The following MAZ variants were observed in gnomAD, a reference collection of about 807,000 sequenced individuals.
MAZ encodes the protein myc-associated zinc finger protein.
In MAZ, 4 loss-of-function variants were observed where a neutral mutation model predicts 32.7. The observed-to-expected ratio is 0.12, with a 90% CI of 0.06 to 0.28. MAZ has a LOEUF of 0.28. Ranked by LOEUF, MAZ falls within the 10% of genes least tolerant of loss-of-function variation. The pLI, the probability that MAZ is intolerant of heterozygous loss-of-function variation, is 1.00. For missense variants in MAZ, 763 were observed against 667.2 expected (o/e 1.14, Z -1.58); for synonymous variants, 510 against 297.6 (o/e 1.71, Z -7.35).
At chr16:29,809,045 G>A (rs1218241651) in intron 4 of MAZ, 2 of 541,152 alleles carry the variant, frequency 3.7e-6, no homozygotes, top group South Asian at 2.7e-5. Flanking sequence ...GGGGTCACAA[G>A]GCAAGGTTTC....
intron 2 of MAZ, 49 bp downstream of exon 2, chr16:29,807,877 G>A (rs1899618051): frequency 1.3e-6 from 2 of 1,583,806 alleles, no homozygotes; most frequent in African/African-American, 1.3e-5. Flanking sequence ...AGGGAGGGAC[G>A]CGACGGAGGT....
Position 29,806,733 on chromosome 16 carries a change from C to G in MAZ, c.32C>G (p.Ala11Gly). MFPVFPCTLL[A>G]PPFPVLGLDS... ...CCGGTGTTTCCTTGCACGCTGCTGGCCCCCCCCTTCCCCGTGCTGGGCCTG... is the reference window on the plus strand; with the variant it reads ...CCGGTGTTTCCTTGCACGCTGCTGGGCCCCCCCTTCCCCGTGCTGGGCCTG... The change falls in exon 1 of 5, where the codon GCC becomes GGC. Residue 11 changes from alanine (A) to glycine (G), a missense_variant. Coordinates refer to ENST00000322945, the MANE Select transcript of MAZ (RefSeq NM_002383.4). 2 of 1,360,096 alleles carry G rather than the reference C, an allele frequency of 1.5e-6. No individual in the cohort carries two copies. Among genetic ancestry groups the G allele is most frequent in the Non-Finnish European group, 9.6e-7 (1 of 1,037,266 alleles). The allele number at this position is 1,360,096 out of a possible 1,614,324, so 84.3% of individuals were successfully genotyped here.
Position 29,806,578 on chromosome 16 carries a change from C to A in MAZ, c.-124C>A. Reference sequence around the variant, plus strand: ...GGGGTGCGCGGGCGGCGGGGCGGCCCGCGGGCCATGCGTTCGGCGCGGCCC... The same window carrying A: ...GGGGTGCGCGGGCGGCGGGGCGGCCAGCGGGCCATGCGTTCGGCGCGGCCC... On this transcript the variant is annotated 5_prime_UTR_variant, in exon 1 of 5. Transcript: ENST00000322945. 1.0e-6 allele frequency: 1 copy of A among 959,560 alleles called. No individual in the cohort carries two copies. The highest frequency in any genetic ancestry group is 1.2e-6 in the Non-Finnish European group (1 of 812,974). The allele number at this position is 959,560 out of a possible 1,614,324, so 59.4% of individuals were successfully genotyped here.
intron 2 of MAZ, 191 bp downstream of exon 2, chr16:29,808,019 C>G (rs1440654246): frequency 1.7e-6 from 2 of 1,192,452 alleles, no homozygotes; most frequent in Non-Finnish European, 2.3e-6. Flanking sequence ...AGGAGGTGGG[C>G]CTTGGGGTTG....
chr16:29,807,848 C>T lies in MAZ; in HGVS notation c.1043+20C>T, dbSNP rs960602791. ...CTCCCGGTGTGCACGGGGCCTCGGC[C>T]GCCCGCTAGGCCGTGGGGAGGGAGG... is the stretch of plus-strand genomic sequence containing the variant. On this transcript the variant is annotated intron_variant, in intron 2 of 4. Transcript: ENST00000322945. The T allele has an allele frequency of 2.5e-6, 4 of 1,596,098 alleles. No homozygotes were observed. The highest frequency in any genetic ancestry group is 3.4e-6 in the Non-Finnish European group (4 of 1,175,492).
At chr16:29,806,234 GCCCT>G (rs1467035105), upstream of MAZ, 1 of 221,348 alleles carries the variant, frequency 4.5e-6, no homozygotes, top group African/African-American at 1.3e-4. Flanking sequence ...CCTCCTGCCC[GCCCT>G]CCCTCCCGTC....
Position 29,807,501 on chromosome 16 carries a change from C to T in MAZ, c.716C>T (p.Pro239Leu). The change falls in exon 2 of 5, where the codon CCC becomes CTC. Residue 239 changes from proline to leucine, a missense_variant. Coordinates refer to ENST00000322945, the MANE Select transcript of MAZ (RefSeq NM_002383.4). Reference protein sequence around the residue: ...TMVPLSLLSVPQLSGAGGGGG... With the variant: ...TMVPLSLLSVLQLSGAGGGGG... ...GTGCCCCTGAGCCTCCTGAGCGTGCCCCAGCTGAGCGGAGCCGGCGGGGGA... is the reference window on the plus strand; with the variant it reads ...GTGCCCCTGAGCCTCCTGAGCGTGCTCCAGCTGAGCGGAGCCGGCGGGGGA... The T allele has an allele frequency of 6.2e-7, 1 of 1,611,390 alleles. No homozygotes were observed. Among genetic ancestry groups the T allele is most frequent in the Non-Finnish European group, 8.5e-7 (1 of 1,179,156 alleles).
At chr16:29,806,151 C>A (rs1171973509), upstream of MAZ, 3 of 1,272,296 alleles carry the variant, frequency 2.4e-6, no homozygotes, top group Non-Finnish European at 3.1e-6. Context: ...CGCCATGGAT[C>A]CCAGCAACTG....
chr16:29,809,358 C>G (rs1486697118), intron 4 of MAZ: 1 of 594,066 alleles, frequency 1.7e-6, no homozygotes, highest in African/African-American at 1.9e-5. Context: ...AGCCAGGCCC[C>G]AGGCTCAGGG....
rs1422189288 is a variant in MAZ, at chr16:29,808,660, A to T, written c.1198A>T (p.Met400Leu). 2 of 1,613,862 alleles carry T rather than the reference A, an allele frequency of 1.2e-6. No homozygotes were observed. Among genetic ancestry groups the T allele is most frequent in the Non-Finnish European group, 1.7e-6 (2 of 1,180,008 alleles). The change falls in exon 4 of 5, where the codon ATG (methionine) becomes TTG (leucine). Residue 400 changes from methionine to leucine, a missense_variant. Met to Leu is a conservative substitution (Grantham distance 15). Transcript: ENST00000322945. Reference sequence around the variant, plus strand: ...AGTGCCATGTCACGTGTGTGGCAAGATGCTGAGCTCGGCTTATATTTCGGA... The same window carrying T: ...AGTGCCATGTCACGTGTGTGGCAAGTTGCTGAGCTCGGCTTATATTTCGGA... ...EKVPCHVCGK[M>L]LSSAYISDHM...
chr16:29,809,465 G>C, intron 4 of MAZ: 11 of 823,362 alleles, frequency 1.3e-5, no homozygotes, highest in Admixed American at 4.3e-5. Context: ...GGCATCCCCC[G>C]CCTAGGAGAT....
rs1293220775 is a variant in MAZ at position 29,810,796 on chromosome 16, G to C, written c.*565G>C. 1 of 351,514 alleles carries C rather than the reference G, an allele frequency of 2.8e-6. No individual in the cohort carries two copies. Among genetic ancestry groups the C allele is most frequent in the Admixed American group, 4.0e-5 (1 of 24,934 alleles). The allele number at this position is 351,514 out of a possible 1,614,324, so 21.8% of individuals were successfully genotyped here. ...AGGTTGTACCTTCATAAGGTGGTAT[G>C]GGGGGTTGGGGTCAGGCCCTGAACA... On this transcript the variant is annotated 3_prime_UTR_variant, in exon 5 of 5. Transcript: ENST00000322945.
chr16:29,810,358 G>T lies in MAZ; in HGVS notation c.*127G>T. 1.0e-6 allele frequency: 1 copy of T among 997,078 alleles called. No individual in the cohort carries two copies. Among genetic ancestry groups the T allele is most frequent in the East Asian group, 2.6e-5 (1 of 38,510 alleles). The allele number at this position is 997,078 out of a possible 1,614,324, so 61.8% of individuals were successfully genotyped here. A position where few individuals can be genotyped will look rare whatever the true frequency, so the allele number is the denominator to read the frequency against. On this transcript the variant is annotated 3_prime_UTR_variant, in exon 5 of 5. Coordinates refer to ENST00000322945, the MANE Select transcript of MAZ (RefSeq NM_002383.4). The stretch of plus-strand genomic sequence containing the variant: ...CCAAGGAGCCTCCAGAAGGAAAGGA[G>T]GAAGAAATGTTTTCTTAGGGGAATT...
rs746668933 is a variant in MAZ at position 29,806,843 on chromosome 16, C to T, written c.142C>T (p.Leu48Phe). Residue 48 changes from leucine to phenylalanine, a missense_variant, in exon 1 of 5, where the codon CTC becomes TTC. Coordinates refer to ENST00000322945, the MANE Select transcript of MAZ (RefSeq NM_002383.4). ...AQNPLQVGAE[L>F]QSRFFASQGC... ...GAACCCCCTGCAGGTCGGGGCTGAG[C>T]TCCAGTCCCGCTTCTTTGCCTCCCA... is the stretch of plus-strand genomic sequence containing the variant. 20 of 1,455,752 alleles carry T rather than the reference C, an allele frequency of 1.4e-5. No individual in the cohort carries two copies. Among genetic ancestry groups the T allele is most frequent in the Non-Finnish European group, 1.5e-5 (17 of 1,097,390 alleles). 90.2% of individuals were successfully genotyped at this position (1,455,752 alleles called of 1,614,324 possible). A position where few individuals can be genotyped will look rare whatever the true frequency, so the allele number is the denominator to read the frequency against.
At chr16:29,809,944 G>A (rs1331646625) in intron 4 of MAZ, 133 bp from the exon 5 acceptor site, 7 of 1,424,750 alleles carry the variant, frequency 4.9e-6, no homozygotes, top group East Asian at 2.3e-5. Context: ...GATGCAGGCT[G>A]AGGCCTCTGG....
At chr16:29,808,005 G>A in intron 2 of MAZ, 177 bp downstream of exon 2, 1 of 1,261,010 alleles carries the variant, frequency 7.9e-7, no homozygotes. Context: ...GTGGTCCTTT[G>A]TCGAGGAGGT....
Position 29,808,648 on chromosome 16 carries a change from G to A in MAZ, c.1186G>A (p.Val396Met), listed in dbSNP as rs759263819. The change falls in exon 4 of 5, where the codon GTG becomes ATG. Residue 396 changes from valine (V) to methionine (M), a missense_variant. Coordinates refer to ENST00000322945, the MANE Select transcript of MAZ (RefSeq NM_002383.4). ...ACACGAGGAGAAAGTGCCATGTCAC[G>A]TGTGTGGCAAGATGCTGAGCTCGGC... ...VRHEEKVPCH[V>M]CGKMLSSAYI... 5 of 1,613,770 alleles carry A rather than the reference G, an allele frequency of 3.1e-6. No homozygotes were observed. The highest frequency in any genetic ancestry group is 2.2e-5 in the South Asian group (2 of 91,068).
At chr16:29,809,361 G>A in intron 4 of MAZ, 1 of 595,532 alleles carries the variant, frequency 1.7e-6, no homozygotes, top group Non-Finnish European at 3.0e-6. Context: ...CAGGCCCCAG[G>A]CTCAGGGAGG....
At position 29,808,671 on chromosome 16, in the gene MAZ, G is replaced by A. The variant is rs756849104; in HGVS notation, c.1209G>A (p.Ser403=). The change falls in exon 4 of 5, where the codon TCG becomes TCA. Residue 403 remains serine (S), a synonymous_variant. Coordinates refer to ENST00000322945, the MANE Select transcript of MAZ (RefSeq NM_002383.4). The stretch of plus-strand genomic sequence containing the variant: ...ACGTGTGTGGCAAGATGCTGAGCTC[G>A]GCTTATATTTCGGACCACATGAAGG... ...PCHVCGKMLS[S]AYISDHMKVH... 4.3e-6 allele frequency: 7 copies of A among 1,613,836 alleles called. No homozygotes were observed. The Admixed American group carries it at 6.7e-5, about 15-fold the overall frequency.
Sources: allele counts gnomAD v4.1 joint callset, GRCh38; gene constraint gnomAD v4.1.1; transcripts MANE v1.5; gene names NCBI Gene and HGNC (gene_info 2026-07-23, HGNC 2026-07-21).